Variants in ERC2 observed in about 807,000 individuals in gnomAD.
ERC2 encodes the protein ELKS/RAB6-interacting/CAST family member 2.
In ERC2, 42 loss-of-function variants were observed where a neutral mutation model predicts 114.8. The ratio of observed to expected loss-of-function variants is 0.37; its 90% CI spans 0.29 to 0.47. The LOEUF (loss-of-function observed/expected upper bound fraction) is 0.47. ERC2 is among the 20% of genes least tolerant of loss of function. The probability of loss-of-function intolerance (pLI) is 0.99; values close to 1 mark genes in which losing one functional copy is unlikely to be tolerated. For missense variants in ERC2, 939 were observed against 1,150.7 expected, an observed-to-expected ratio of 0.82 and a Z score of 2.66; for synonymous variants, 454 against 425.5, an observed-to-expected ratio of 1.07 and a Z score of -0.82.
intron 17 of ERC2, among the ~76,000 whole-genome samples, chr3:55,586,960 A>G (rs1347505333): frequency 1.3e-5 from 2 of 152,202 alleles, no homozygotes; most frequent in Non-Finnish European, 2.9e-5. Context: ...TTTTCATTCT[A>G]TTCCCTCCCC....
intron 3 of ERC2, among the ~76,000 whole-genome samples, chr3:56,195,663 TA>T (rs1334184707): frequency 6.6e-6 from 1 of 151,886 alleles, no homozygotes; most frequent in Non-Finnish European, 1.5e-5. Context: ...ACCTTGTCTC[TA>T]CAAAAAATAC....
intron 7 of ERC2, among the ~76,000 whole-genome samples, chr3:56,035,394 A>G (rs1560062953): frequency 6.6e-6 from 1 of 152,220 alleles, no homozygotes; most frequent in Non-Finnish European, 1.5e-5. Context: ...CCAAACGTTT[A>G]AAGAATTAAT....
At chr3:56,219,265 C>T (rs1046686201) in intron 3 of ERC2, among the ~76,000 whole-genome samples, 5 of 151,944 alleles carry the variant, frequency 3.3e-5, no homozygotes, top group African/African-American at 9.7e-5. Flanking sequence ...CCACCTGCTC[C>T]CCTGAAACCT....
intron 8 of ERC2, among the ~76,000 whole-genome samples, chr3:56,010,834 T>G (rs2072867411): frequency 6.6e-6 from 1 of 152,192 alleles, no homozygotes; most frequent in Admixed American, 6.5e-5. Flanking sequence ...AACGTAATGT[T>G]CAAGTTCTGT....
chr3:56,424,488 C>T (rs1231317364), intron 2 of ERC2, among the ~76,000 whole-genome samples: 3 of 152,172 alleles, frequency 2.0e-5, no homozygotes, highest in Non-Finnish European at 4.4e-5. Flanking sequence ...GATTCTAGGG[C>T]CGACTGCAAG....
chr3:55,620,904 T>C (rs1401724780), intron 17 of ERC2, among the ~76,000 whole-genome samples: 1 of 152,204 alleles, frequency 6.6e-6, no homozygotes, highest in East Asian at 1.9e-4. Flanking sequence ...ATTTATAACA[T>C]AACTGTTGTC....
chr3:55,593,889 T>C lies in ERC2; in HGVS notation c.*40-82613A>G, dbSNP rs2107615144. ...CTCCATGTCTGTGGCCTTCACCCCT[T>C]CTTCTCTCAAGTATTCCTCGACTCT... On this transcript the variant is annotated intron_variant, in intron 17 of 17. Transcript: ENST00000288221. 1.3e-5 allele frequency among the ~76,000 whole-genome samples: 2 copies of C among 152,282 alleles called. 1 individual carries two copies. The highest frequency in any genetic ancestry group is 4.2e-4 in the South Asian group (2 of 4,810).
intron 15 of ERC2, among the ~76,000 whole-genome samples, chr3:55,731,174 C>T (rs1448935792): frequency 6.7e-6 from 1 of 149,988 alleles, no homozygotes; most frequent in East Asian, 1.9e-4. Context: ...CTCACTGCTC[C>T]ACAAGTGCTT....
intron 2 of ERC2, among the ~76,000 whole-genome samples, chr3:56,372,225 T>C (rs910887584): frequency 2.0e-5 from 3 of 152,228 alleles, no homozygotes; most frequent in African/African-American, 7.2e-5. Flanking sequence ...GTAAATTATA[T>C]TGATTAACAT....
intron 13 of ERC2, among the ~76,000 whole-genome samples, chr3:55,904,385 A>G (rs2064312643): frequency 6.6e-6 from 1 of 152,238 alleles, no homozygotes; most frequent in South Asian, 2.1e-4. Context: ...AATACAGCAG[A>G]GGTTCTGAAG....
intron 3 of ERC2, among the ~76,000 whole-genome samples, chr3:56,225,829 T>C (rs1211075199): frequency 2.0e-5 from 3 of 152,136 alleles, no homozygotes; most frequent in African/African-American, 7.2e-5. Flanking sequence ...AAATAGGATG[T>C]CATCCTATTG....
chr3:55,557,703 G>C (rs2055714381), intron 17 of ERC2, among the ~76,000 whole-genome samples: 1 of 152,206 alleles, frequency 6.6e-6, no homozygotes, highest in Non-Finnish European at 1.5e-5. Flanking sequence ...AACCTTACAT[G>C]GTCTGATCCC....
At chr3:55,748,524 C>T (rs753032083) in intron 14 of ERC2, among the ~76,000 whole-genome samples, 10 of 152,174 alleles carry the variant, frequency 6.6e-5, no homozygotes, top group Non-Finnish European at 1.3e-4. Context: ...GACAGACAGA[C>T]CCTGTGATGA....
intron 15 of ERC2, among the ~76,000 whole-genome samples, chr3:55,728,323 T>C (rs746958211): frequency 1.3e-5 from 2 of 152,172 alleles, no homozygotes; most frequent in Non-Finnish European, 2.9e-5. Context: ...AAATTATATC[T>C]GTTACAAGTG....
chr3:56,091,341 G>A (rs145448106), intron 6 of ERC2, among the ~76,000 whole-genome samples: 1 of 152,248 alleles, frequency 6.6e-6, no homozygotes, highest in East Asian at 1.9e-4. Context: ...GTTGCTAGCT[G>A]GAAAAACTCA....
chr3:56,182,656 CTG>C (rs2083350576), intron 3 of ERC2, among the ~76,000 whole-genome samples: 1 of 152,152 alleles, frequency 6.6e-6, no homozygotes, highest in South Asian at 2.1e-4. Flanking sequence ...CCTTACTGAA[CTG>C]TACTGCAGAA....
chr3:55,926,423 A>AAAG (rs937792154), intron 13 of ERC2, among the ~76,000 whole-genome samples: 1 of 151,474 alleles, frequency 6.6e-6, no homozygotes, highest in Non-Finnish European at 1.5e-5. Flanking sequence ...TTTAAAAAAA[A>AAAG]AAAAACTAAA....
intron 3 of ERC2, among the ~76,000 whole-genome samples, chr3:56,212,258 G>A (rs2049111704): frequency 1.3e-5 from 2 of 151,808 alleles, no homozygotes; most frequent in Admixed American, 6.6e-5. Context: ...CAAATCAGCA[G>A]GAAAAAACAT....
intron 11 of ERC2, among the ~76,000 whole-genome samples, chr3:55,990,604 C>T (rs547439787): frequency 1.4e-4 from 21 of 152,196 alleles, no homozygotes; most frequent in Admixed American, 4.6e-4. Flanking sequence ...ATTGTAGATA[C>T]AAGGTCTCCC....
Sources: gnomAD v4.1 joint callset for allele counts (sites outside exome capture counted in the v4.1 genomes callset) on GRCh38, gnomAD v4.1.1 for gene constraint, MANE v1.5 for transcripts, NCBI Gene and HGNC (gene_info 2026-07-23, HGNC 2026-07-21) for gene names.